Variants in RPTN observed in about 807,000 individuals in gnomAD.
RPTN encodes the protein intermediate filament-associated protein.
A neutral mutation model predicts 3.6 loss-of-function variants in RPTN; 4 were observed. That is an observed-to-expected ratio of 1.12 (90% CI 0.55 to 2.55). The LOEUF (loss-of-function observed/expected upper bound fraction) is 2.55. Among genes scored for constraint, RPTN ranks in the 30% most tolerant of loss-of-function variants. The probability of loss-of-function intolerance (pLI) is 0.02; values close to 1 mark genes in which losing one functional copy is unlikely to be tolerated. For missense variants in RPTN, 860 were observed against 916.7 expected (o/e 0.94, Z 0.80); for synonymous variants, 293 against 319.3 (o/e 0.92, Z 0.88).
At chr1:152,158,676 T>C (rs922523008) in intron 1 of RPTN, among the ~76,000 whole-genome samples, 2 of 152,186 alleles carry the variant, frequency 1.3e-5, no homozygotes, top group East Asian at 3.9e-4. Flanking sequence ...TTCCAGTTAG[T>C]GGGTTTATAG....
intron 1 of RPTN, among the ~76,000 whole-genome samples, 161 bp from the exon 2 acceptor site, chr1:152,158,070 C>T (rs528372981): frequency 2.6e-4 from 40 of 152,110 alleles, no homozygotes; most frequent in Middle Eastern, 3.4e-3. Context: ...AGTCGGGGAC[C>T]AAATCTCATT....
Position 152,156,929 on chromosome 1 carries a change from A to C in RPTN, c.170T>G (p.Ile57Ser), listed in dbSNP as rs200282084. 1 of 1,614,062 alleles carries C rather than the reference A, an allele frequency of 6.2e-7. No homozygotes were observed. The highest frequency in any genetic ancestry group is 8.5e-7 in the Non-Finnish European group (1 of 1,179,968). ...RPNDPETVET[I>S]LNLLDQDRDG... The stretch of plus-strand genomic sequence containing the variant: ...TCGGTCTTGATCTAAGAGGTTCAAG[A>C]TGGTTTCCACAGTCTCTGGGTCATT... Residue 57 changes from isoleucine (I) to serine (S), a missense_variant, in exon 3 of 3, where the codon ATC becomes AGC. Physicochemically the swap from Ile to Ser is moderately radical, Grantham distance 142. Coordinates refer to ENST00000316073, the MANE Select transcript of RPTN (RefSeq NM_001122965.1).
Position 152,154,211 on chromosome 1 carries a change from C to T in RPTN, c.*533G>A, listed in dbSNP as rs531315865. ...TTCACCCAATTTACCACCTAGATTTCACTGAATCAGAAAACCCTAGAATTG... is the reference window on the plus strand; with the variant it reads ...TTCACCCAATTTACCACCTAGATTTTACTGAATCAGAAAACCCTAGAATTG... On this transcript the variant is annotated 3_prime_UTR_variant, in exon 3 of 3. Coordinates refer to ENST00000316073, the MANE Select transcript of RPTN (RefSeq NM_001122965.1). The T allele has an allele frequency of 2.1e-3, 331 of 159,090 alleles. 1 individual carries two copies. The highest frequency in any genetic ancestry group is 7.7e-3 in the African/African-American group (321 of 41,610). 9.9% of individuals were successfully genotyped at this position (159,090 alleles called of 1,614,324 possible). A position where few individuals can be genotyped will look rare whatever the true frequency, so the allele number is the denominator to read the frequency against.
chr1:152,155,860 G>A lies in RPTN; in HGVS notation c.1239C>T (p.Ser413=). The A allele has an allele frequency of 1.9e-6, 3 of 1,610,696 alleles. No homozygotes were observed. The highest frequency in any genetic ancestry group is 2.5e-6 in the Non-Finnish European group (3 of 1,178,856). The change falls in exon 3 of 3, where the codon TCC becomes TCT. Residue 413 remains serine (S), a synonymous_variant. Coordinates refer to ENST00000316073, the MANE Select transcript of RPTN (RefSeq NM_001122965.1). ...CTTGTCGGTCCATCTGACTGTAGTG[G>A]GAACTCTGGCCTTGTCTCTCTGTCT... is the stretch of plus-strand genomic sequence containing the variant. ...YGQTERQGQS[S]HYSQMDRQGQ...
rs1051052576 is a variant in RPTN, at chr1:152,155,267, T to C, written c.1832A>G (p.Glu611Gly). The change falls in exon 3 of 3, where the codon GAA becomes GGA. Residue 611 changes from glutamate to glycine, a missense_variant. Transcript: ENST00000316073. ...TEGTRKASYV[E>G]QSGRSGRLSQ... is the part of the protein sequence containing the mutation. ...TAGCCTCCCTGATCTTCCTGATTGTTCAACATAAGAGGCTTTTCTTGTTCC... is the reference window on the plus strand; with the variant it reads ...TAGCCTCCCTGATCTTCCTGATTGTCCAACATAAGAGGCTTTTCTTGTTCC... The C allele has an allele frequency of 5.0e-6, 8 of 1,614,130 alleles. No individual in the cohort carries two copies. In the African/African-American group the frequency reaches 1.1e-4, roughly 22 times the overall value.
rs530491016 is a variant in RPTN, at chr1:152,158,215, C to A, written c.-20-306G>T. Among the ~76,000 whole-genome samples the A allele has an allele frequency of 1.2e-4, 18 of 152,268 alleles. No individual in the cohort carries two copies. In the East Asian group the frequency reaches 3.3e-3, roughly 28 times the overall value. ...AGACAGGATTCACCTGATTGAAAAT[C>A]TCATATTAGAACAAAAGGAGGGGAG... On this transcript the variant is annotated intron_variant, in intron 1 of 2. Transcript: ENST00000316073.
rs1659148725 is a variant in RPTN at position 152,154,404 on chromosome 1, C to T, written c.*340G>A. 5.8e-6 allele frequency: 2 copies of T among 343,136 alleles called. No homozygotes were observed. Among genetic ancestry groups the T allele is most frequent in the Non-Finnish European group, 1.1e-5 (2 of 190,178 alleles). 21.3% of individuals were successfully genotyped at this position (343,136 alleles called of 1,614,324 possible). ...TTTTTGGCTTTGTGTTGCTTTACCT[C>T]TGGTGCTCACATAGCCTAGTATGGG... On this transcript the variant is annotated 3_prime_UTR_variant, in exon 3 of 3. Transcript: ENST00000316073.
rs201916415 is a variant in RPTN at position 152,154,765 on chromosome 1, G to A, written c.2334C>T (p.Asp778=). 5.9e-5 allele frequency: 96 copies of A among 1,613,556 alleles called. No individual in the cohort carries two copies. In the East Asian group the frequency reaches 6.5e-4, roughly 11 times the overall value. The part of the protein sequence containing the change: ...RQRRDRQTHE[D]EQNHQR Reference sequence around the variant, plus strand: ...TGTCTCATCTCTGATGGTTCTGCTCGTCTTCATGGGTTTGCCTGTCTCGTC... The same window carrying A: ...TGTCTCATCTCTGATGGTTCTGCTCATCTTCATGGGTTTGCCTGTCTCGTC... Residue 778 remains aspartate, a synonymous_variant, in exon 3 of 3, where the codon GAC becomes GAT. Coordinates refer to ENST00000316073, the MANE Select transcript of RPTN (RefSeq NM_001122965.1).
chr1:152,157,749 T>G lies in RPTN; in HGVS notation c.138+3A>C. The G allele has an allele frequency of 6.2e-7, 1 of 1,613,860 alleles. No individual in the cohort carries two copies. The highest frequency in any genetic ancestry group is 8.5e-7 in the Non-Finnish European group (1 of 1,179,872). On this transcript the variant is annotated splice_donor_region_variant and intron_variant, in intron 2 of 2. Transcript: ENST00000316073. ...CATGGGGCTGTGTGTCTGTGTATCTTACCTGGAGGATGTCTCCAAACTCAG... is the reference window on the plus strand; with the variant it reads ...CATGGGGCTGTGTGTCTGTGTATCTGACCTGGAGGATGTCTCCAAACTCAG...
In RPTN at chr1:152,156,066, G is replaced by A. The variant is rs770116700; in HGVS notation, c.1033C>T (p.Gln345Ter). 1.2e-5 allele frequency: 19 copies of A among 1,613,274 alleles called. No homozygotes were observed. The highest frequency in any genetic ancestry group is 1.4e-5 in the Non-Finnish European group (17 of 1,179,952). The change falls in exon 3 of 3, where the codon CAA (glutamine) becomes TAA (stop). Residue 345 changes from glutamine to a stop codon, truncating the protein, a stop_gained. Coordinates refer to ENST00000316073, the MANE Select transcript of RPTN (RefSeq NM_001122965.1). LOFTEE classifies it low-confidence loss of function (END_TRUNC). ...TAACACTGGCCTTTTCTGTCCATTT[G>A]ACCATAGTGGGAACTCTGACCTTGT... is the stretch of plus-strand genomic sequence containing the variant. Reference protein sequence around the residue: ...DRQGQSSHYGQMDRKGQCYHY... With the variant: ...DRQGQSSHYG
At position 152,155,211 on chromosome 1, in the gene RPTN, G is replaced by T. The variant is rs1659169571; in HGVS notation, c.1888C>A (p.Gln630Lys). 11 of 1,614,056 alleles carry T rather than the reference G, an allele frequency of 6.8e-6. No homozygotes were observed. Among genetic ancestry groups the T allele is most frequent in the South Asian group, 1.1e-5 (1 of 91,090 alleles). Reference protein sequence around the residue: ...SQQTPGQEGYQNQGQGFQSRD... With the variant: ...SQQTPGQEGYKNQGQGFQSRD... ...GACTGGAATCCCTGTCCCTGGTTTTGGTACCCTTCCTGTCCTGGAGTCTGT... is the reference window on the plus strand; with the variant it reads ...GACTGGAATCCCTGTCCCTGGTTTTTGTACCCTTCCTGTCCTGGAGTCTGT... The change falls in exon 3 of 3, where the codon CAA (glutamine) becomes AAA (lysine). Residue 630 changes from glutamine to lysine, a missense_variant. Physicochemically the swap from Gln to Lys is moderately conservative, Grantham distance 53 (BLOSUM62 1). Transcript: ENST00000316073.
In RPTN at chr1:152,154,878, G is replaced by A. The variant is rs200423530; in HGVS notation, c.2221C>T (p.Gln741Ter). The change falls in exon 3 of 3, where the codon CAG becomes TAG. Residue 741 changes from glutamine (Q) to a stop codon, truncating the protein, a stop_gained. Transcript: ENST00000316073. LOFTEE classifies it low-confidence loss of function (END_TRUNC). ...TCATGGGTTTGTCTGTCTCGTCTCT[G>A]ATGGTTCTGCTCATCTTTATGGGTT... Reference protein sequence around the residue: ...RRTHKDEQNHQRRDRQTHEHE... With the variant: ...RRTHKDEQNH 1.2e-5 allele frequency: 20 copies of A among 1,614,038 alleles called. No individual in the cohort carries two copies. In the Admixed American group the frequency reaches 2.5e-4, roughly 20 times the overall value.
chr1:152,157,726 T>C lies in RPTN; in HGVS notation c.138+26A>G, dbSNP rs749936314. ...TCAGAGTCATTCACACTTGATCTCA[T>C]GGGGCTGTGTGTCTGTGTATCTTAC... On this transcript the variant is annotated intron_variant, in intron 2 of 2. Coordinates refer to ENST00000316073, the MANE Select transcript of RPTN (RefSeq NM_001122965.1). The C allele has an allele frequency of 9.4e-5, 152 of 1,613,298 alleles. 3 individuals carry two copies. In the South Asian group the frequency reaches 1.5e-3, roughly 16 times the overall value.
chr1:152,156,194 T>G lies in RPTN; in HGVS notation c.905A>C (p.Asp302Ala), dbSNP rs745972019. Residue 302 changes from aspartate (D) to alanine (A), a missense_variant, in exon 3 of 3, where the codon GAC becomes GCC. Coordinates refer to ENST00000316073, the MANE Select transcript of RPTN (RefSeq NM_001122965.1). ...TGTCTGACCATAATGATAACTCTGG[T>G]CTTGTCTGTCCGTCTGACCGTAGTG... ...SSHYGQTDRQ[D>A]QSYHYGQTDR... The G allele has an allele frequency of 1.9e-6, 3 of 1,606,260 alleles. No homozygotes were observed.
rs895881766 is a variant in RPTN, at chr1:152,154,450, A to T, written c.*294T>A. The T allele has an allele frequency of 4.1e-6, 2 of 492,698 alleles. No homozygotes were observed. The highest frequency in any genetic ancestry group is 7.6e-5 in the Admixed American group (2 of 26,390). The allele number at this position is 492,698 out of a possible 1,614,324, so 30.5% of individuals were successfully genotyped here. ...ATGGGTAGGATTTCTGCTCTTGCACATAGTCATAGGGGGGGTTGGGAACAG... is the reference window on the plus strand; with the variant it reads ...ATGGGTAGGATTTCTGCTCTTGCACTTAGTCATAGGGGGGGTTGGGAACAG... On this transcript the variant is annotated 3_prime_UTR_variant, in exon 3 of 3. Coordinates refer to ENST00000316073, the MANE Select transcript of RPTN (RefSeq NM_001122965.1).
rs1257568144 is a variant in RPTN, at chr1:152,156,236, C to T, written c.863G>A (p.Arg288Lys). 1 of 1,614,208 alleles carries T rather than the reference C, an allele frequency of 6.2e-7. No individual in the cohort carries two copies. The highest frequency in any genetic ancestry group is 8.5e-7 in the Non-Finnish European group (1 of 1,180,034). The change falls in exon 3 of 3, where the codon AGA becomes AAA. Residue 288 changes from arginine (R) to lysine (K), a missense_variant. Transcript: ENST00000316073. ...GQELGCGQTD[R>K]QGQSSHYGQT... Reference sequence around the variant, plus strand: ...ACCGTAGTGGGAACTCTGGCCTTGTCTGTCTGTCTGACCACAGCCTAATTC... The same window carrying T: ...ACCGTAGTGGGAACTCTGGCCTTGTTTGTCTGTCTGACCACAGCCTAATTC...
rs774298685 is a variant in RPTN at position 152,154,855 on chromosome 1, A to T, written c.2244T>A (p.His748Gln). The change falls in exon 3 of 3, where the codon CAT (histidine) becomes CAA (glutamine). Residue 748 changes from histidine to glutamine, a missense_variant. Physicochemically the swap from His to Gln is conservative, Grantham distance 24. Coordinates refer to ENST00000316073, the MANE Select transcript of RPTN (RefSeq NM_001122965.1). ...GTCTCTGATGGCTCTGCTCATGTTC[A>T]TGGGTTTGTCTGTCTCGTCTCTGAT... is the stretch of plus-strand genomic sequence containing the variant. ...QNHQRRDRQT[H>Q]EHEQSHQRRD... 2.5e-6 allele frequency: 4 copies of T among 1,613,192 alleles called. No homozygotes were observed. The highest frequency in any genetic ancestry group is 3.4e-6 in the Non-Finnish European group (4 of 1,179,740).
At position 152,156,961 on chromosome 1, in the gene RPTN, C is replaced by T. The variant is rs1484984169; in HGVS notation, c.139-1G>A. The stretch of plus-strand genomic sequence containing the variant: ...CCACAGTCTCTGGGTCATTTGGTCT[C>T]TGTTAGGAGATAAAACAAAGAGCAA... On this transcript the variant is annotated splice_acceptor_variant, in intron 2 of 2. Coordinates refer to ENST00000316073, the MANE Select transcript of RPTN (RefSeq NM_001122965.1). LOFTEE classifies it high-confidence loss of function. The T allele has an allele frequency of 1.9e-6, 3 of 1,607,180 alleles. No individual in the cohort carries two copies. Among genetic ancestry groups the T allele is most frequent in the Non-Finnish European group, 2.5e-6 (3 of 1,176,708 alleles).
rs566509159 is a variant in RPTN at position 152,154,511 on chromosome 1, G to C, written c.*233C>G. 117 of 633,378 alleles carry C rather than the reference G, an allele frequency of 1.8e-4. No individual in the cohort carries two copies. The highest frequency in any genetic ancestry group is 1.6e-3 in the East Asian group (57 of 35,818). The allele number at this position is 633,378 out of a possible 1,614,324, so 39.2% of individuals were successfully genotyped here. A position where few individuals can be genotyped will look rare whatever the true frequency, so the allele number is the denominator to read the frequency against. ...GGCAGGGTGACCACGCTGTTCTCTG[G>C]TTTGGGGCCTCCCACTGCTCTGGGT... On this transcript the variant is annotated 3_prime_UTR_variant, in exon 3 of 3. Coordinates refer to ENST00000316073, the MANE Select transcript of RPTN (RefSeq NM_001122965.1).
Sources: gnomAD v4.1 joint callset for allele counts (sites outside exome capture counted in the v4.1 genomes callset) on GRCh38, gnomAD v4.1.1 for gene constraint, MANE v1.5 for transcripts, NCBI Gene and HGNC (gene_info 2026-07-23, HGNC 2026-07-21) for gene names.